The following ATP9B variants were observed in gnomAD, a reference collection of about 807,000 sequenced individuals.
The protein encoded by ATP9B is ATPase phospholipid transporting 9B, also known as probable phospholipid-transporting ATPase IIB.
A neutral mutation model predicts 146.1 loss-of-function variants in ATP9B; 110 were observed. The ratio of observed to expected loss-of-function variants is 0.75; its 90% CI spans 0.65 to 0.88. ATP9B has a LOEUF of 0.88. Among genes scored for constraint, ATP9B ranks in the 40% least tolerant of loss-of-function variants. The pLI is 0.00. For synonymous variants in ATP9B, 604 were observed against 569.7 expected (o/e 1.06, Z -0.86); for missense variants, 1,499 against 1,496.4 (o/e 1.00, Z -0.03).
intron 4 of ATP9B, among the ~76,000 whole-genome samples, chr18:79,125,760 G>T (rs1469437588): frequency 4.6e-5 from 7 of 152,096 alleles, no homozygotes; most frequent in Admixed American, 2.6e-4. Context: ...TGAGATGAAA[G>T]CACTATAATT....
At chr18:79,125,173 A>G (rs1231957296) in intron 4 of ATP9B, among the ~76,000 whole-genome samples, 2 of 152,128 alleles carry the variant, frequency 1.3e-5, no homozygotes, top group African/African-American at 4.8e-5. Flanking sequence ...AGTGCAGACT[A>G]AGGGAGGAGA....
intron 1 of ATP9B, chr18:79,085,977 A>G (rs1442904645): frequency 6.6e-6 from 1 of 152,084 alleles, no homozygotes; most frequent in Non-Finnish European, 1.5e-5. Flanking sequence ...ATATTTTACT[A>G]GTTGTAAAAA....
chr18:79,110,352 C>T lies in ATP9B; in HGVS notation c.294-3C>T, dbSNP rs2075926821. 2 of 1,587,012 alleles carry T rather than the reference C, an allele frequency of 1.3e-6. No homozygotes were observed. The highest frequency in any genetic ancestry group is 2.7e-5 in the African/African-American group (2 of 73,560). On this transcript the variant is annotated splice_polypyrimidine_tract_variant and splice_region_variant and intron_variant, in intron 2 of 29. Transcript: ENST00000426216. The stretch of plus-strand genomic sequence containing the variant: ...CACAATACGTATCTTTTGTTTCATA[C>T]AGTTGCTGTGGTTGGCTGATAAATA...
chr18:79,168,492 A>G (rs1264837229), intron 7 of ATP9B, among the ~76,000 whole-genome samples: 4 of 150,920 alleles, frequency 2.7e-5, no homozygotes, highest in East Asian at 3.9e-4. Flanking sequence ...ATGGGTTTGG[A>G]GTTAGATGGA....
intron 14 of ATP9B, among the ~76,000 whole-genome samples, chr18:79,305,961 T>C (rs1265954075): frequency 1.3e-5 from 2 of 152,224 alleles, no homozygotes. Flanking sequence ...TGAAATTAAA[T>C]TGTACAAGCA....
At chr18:79,305,792 G>A (rs1472049480) in intron 14 of ATP9B, among the ~76,000 whole-genome samples, 2 of 152,208 alleles carry the variant, frequency 1.3e-5, no homozygotes, top group Non-Finnish European at 2.9e-5. Context: ...CTTCTTATGT[G>A]AAATTGATCT....
chr18:79,320,071 C>T (rs1200117279), intron 15 of ATP9B, among the ~76,000 whole-genome samples: 1 of 152,300 alleles, frequency 6.6e-6, no homozygotes, highest in East Asian at 1.9e-4. Flanking sequence ...GAGAACGTGC[C>T]CATTTATGGT....
chr18:79,246,893 AT>A (rs1170913951), intron 11 of ATP9B, among the ~76,000 whole-genome samples: 2 of 152,244 alleles, frequency 1.3e-5, no homozygotes, highest in African/African-American at 4.8e-5. Flanking sequence ...CAATGTGGTG[AT>A]TGTAAAATAA....
chr18:79,336,579 C>G lies in ATP9B; in HGVS notation c.2029-49C>G, dbSNP rs534169987. 7 of 1,576,724 alleles carry G rather than the reference C, an allele frequency of 4.4e-6. No homozygotes were observed. The South Asian group carries it at 7.9e-5, about 18-fold the overall frequency. Reference sequence around the variant, plus strand: ...GCACTGCCCTGGCCCCACACACGGCCACAGGGGCTCTGCAGGGCCCACCTG... The same window carrying G: ...GCACTGCCCTGGCCCCACACACGGCGACAGGGGCTCTGCAGGGCCCACCTG... On this transcript the variant is annotated intron_variant, in intron 17 of 29. Transcript: ENST00000426216.
intron 1 of ATP9B, among the ~76,000 whole-genome samples, chr18:79,084,324 T>C (rs896587327): frequency 2.6e-5 from 4 of 151,898 alleles, no homozygotes; most frequent in Non-Finnish European, 5.9e-5. Context: ...ATTCCACCTA[T>C]CCCCCAACCA....
chr18:79,143,753 G>C (rs748095583), intron 5 of ATP9B, 49 bp from the exon 6 acceptor site: 3 of 1,177,858 alleles, frequency 2.5e-6, no homozygotes, highest in Non-Finnish European at 3.6e-6. Context: ...AGTTGAACTT[G>C]GGTGTGCTGT....
At chr18:79,289,919 G>C (rs547310874) in intron 13 of ATP9B, among the ~76,000 whole-genome samples, 1 of 152,234 alleles carries the variant, frequency 6.6e-6, no homozygotes, top group Non-Finnish European at 1.5e-5. Flanking sequence ...AGTGGGTGCA[G>C]AATAGCGGAT....
chr18:79,107,717 C>T (rs580442), intron 2 of ATP9B, among the ~76,000 whole-genome samples: 20,067 of 152,090 alleles, frequency 0.13, 1,923 homozygotes, highest in African/African-American at 0.27. Flanking sequence ...TCATTTTTTT[C>T]CCATCATCTC....
intron 11 of ATP9B, among the ~76,000 whole-genome samples, chr18:79,223,844 G>A (rs1431235531): frequency 6.6e-6 from 1 of 150,796 alleles, no homozygotes; most frequent in Non-Finnish European, 1.5e-5. Flanking sequence ...CCTACTGATA[G>A]CATCTGGGGC....
At chr18:79,164,714 A>G (rs558719288) in intron 7 of ATP9B, among the ~76,000 whole-genome samples, 1 of 152,238 alleles carries the variant, frequency 6.6e-6, no homozygotes, top group South Asian at 2.1e-4. Context: ...GCGAGACTCC[A>G]TCTCAAAAAA....
chr18:79,212,176 T>A (rs1340308514), intron 10 of ATP9B, among the ~76,000 whole-genome samples: 1 of 152,240 alleles, frequency 6.6e-6, no homozygotes, highest in African/African-American at 2.4e-5. Context: ...GCACTGATTC[T>A]AGTTACGTTA....
At chr18:79,293,007 G>A (rs1365187578) in intron 13 of ATP9B, among the ~76,000 whole-genome samples, 2 of 151,944 alleles carry the variant, frequency 1.3e-5, no homozygotes, top group African/African-American at 2.4e-5. Context: ...CAGACACATA[G>A]ATTGATGGAC....
intron 11 of ATP9B, among the ~76,000 whole-genome samples, chr18:79,236,066 G>C (rs891181937): frequency 1.3e-5 from 2 of 151,966 alleles, no homozygotes; most frequent in Non-Finnish European, 2.9e-5. Flanking sequence ...ACATAATTCC[G>C]GTCTTCTAAA....
chr18:79,309,399 G>T (rs1261201533), intron 15 of ATP9B, among the ~76,000 whole-genome samples: 2 of 146,984 alleles, frequency 1.4e-5, no homozygotes, highest in East Asian at 2.0e-4. Context: ...AGGGGCGGAG[G>T]AGTGATCCCC....
Sources: gnomAD v4.1 joint callset for allele counts (sites outside exome capture counted in the v4.1 genomes callset) on GRCh38, gnomAD v4.1.1 for gene constraint, MANE v1.5 for transcripts, NCBI Gene and HGNC (gene_info 2026-07-23, HGNC 2026-07-21) for gene names.